PTPN22: variants seen among roughly 807,000 people sequenced by gnomAD.
PTPN22 encodes the protein tyrosine-protein phosphatase non-receptor type 22.
A neutral mutation model predicts 103.3 loss-of-function variants in PTPN22; 85 were observed. The ratio of observed to expected loss-of-function variants is 0.82; its 90% CI spans 0.69 to 0.99. PTPN22 has a LOEUF of 0.99. Among genes scored for constraint, PTPN22 ranks in the 50% least tolerant of loss-of-function variants. The pLI is 0.00. For synonymous variants in PTPN22, 323 were observed against 310.2 expected (o/e 1.04, Z -0.43); for missense variants, 865 against 936.9 (o/e 0.92, Z 1.00).
At chr1:113,841,510 C>T (rs543942456) in intron 11 of PTPN22, among the ~76,000 whole-genome samples, 6 of 151,892 alleles carry the variant, frequency 4.0e-5, no homozygotes, top group Middle Eastern at 3.4e-3. Flanking sequence ...GAATGGAAGA[C>T]GGTATTTGCA....
At chr1:113,828,228 T>C (rs1382142765) in intron 18 of PTPN22, among the ~76,000 whole-genome samples, 3 of 152,202 alleles carry the variant, frequency 2.0e-5, no homozygotes. Flanking sequence ...GGTGATTGTT[T>C]TACCATGCAT....
At chr1:113,864,724 AAC>A (rs202178873) in intron 1 of PTPN22, among the ~76,000 whole-genome samples, 4,470 of 151,910 alleles carry the variant, frequency 0.029, 156 homozygotes, top group African/African-American at 0.082. Context: ...CATCCTGGCT[AAC>A]ACAGTGAAAC....
At chr1:113,845,418 G>T (rs1262903073) in intron 11 of PTPN22, among the ~76,000 whole-genome samples, 1 of 151,844 alleles carries the variant, frequency 6.6e-6, no homozygotes, top group African/African-American at 2.4e-5. Context: ...GACCAGGCTG[G>T]TCTCAAATTC....
intron 19 of PTPN22, among the ~76,000 whole-genome samples, chr1:113,820,001 T>C (rs1363843302): frequency 6.6e-6 from 1 of 152,122 alleles, no homozygotes; most frequent in African/African-American, 2.4e-5. Context: ...CATATTACTT[T>C]TTCCTCTGGC....
At chr1:113,834,812 C>G in intron 14 of PTPN22, 98 bp downstream of exon 14, 2 of 998,868 alleles carry the variant, frequency 2.0e-6, no homozygotes, top group South Asian at 1.5e-5. Context: ...TCCTCAAACT[C>G]AAGGCTCACA....
At chr1:113,853,360 T>C (rs1363191285) in intron 9 of PTPN22, among the ~76,000 whole-genome samples, 1 of 150,778 alleles carries the variant, frequency 6.6e-6, no homozygotes, top group Non-Finnish European at 1.5e-5. Flanking sequence ...TTCTTTTTTT[T>C]TTTTTTTTTT....
chr1:113,837,584 A>G lies in PTPN22; in HGVS notation c.1810+6T>C, dbSNP rs759986601. On this transcript the variant is annotated splice_donor_region_variant and intron_variant, in intron 13 of 20. Coordinates refer to ENST00000359785, the Ensembl canonical transcript of PTPN22. ...AATTCTATGCAAACTTTAAAAAATA[A>G]CTTACCTAGTACAGCTGACTCCTGG... 27 of 1,512,622 alleles carry G rather than the reference A, an allele frequency of 1.8e-5. No individual in the cohort carries two copies. Among genetic ancestry groups the G allele is most frequent in the Non-Finnish European group, 1.9e-5 (21 of 1,110,030 alleles). 93.7% of individuals were successfully genotyped at this position (1,512,622 alleles called of 1,614,324 possible).
intron 10 of PTPN22, among the ~76,000 whole-genome samples, chr1:113,849,846 C>A (rs2102049371): frequency 6.6e-6 from 1 of 152,180 alleles, no homozygotes; most frequent in Non-Finnish European, 1.5e-5. Context: ...GCCTCAGCCT[C>A]CCAAAGTGCG....
chr1:113,829,861 G>A (rs1014300208), intron 17 of PTPN22, 88 bp downstream of exon 17: 1 of 1,316,282 alleles, frequency 7.6e-7, no homozygotes, highest in East Asian at 2.4e-5. Context: ...AATCATTTTT[G>A]TACCTTTCCA....
chr1:113,818,687 T>C (rs1661355856), intron 20 of PTPN22, among the ~76,000 whole-genome samples: 1 of 152,244 alleles, frequency 6.6e-6, no homozygotes, highest in Admixed American at 6.5e-5. Flanking sequence ...CAATATTACA[T>C]TTCCCAGTCT....
At chr1:113,825,057 A>G in intron 19 of PTPN22, 85 bp downstream of exon 19, 1 of 1,008,068 alleles carries the variant, frequency 9.9e-7, no homozygotes. Flanking sequence ...TAATATTGTT[A>G]ATCTTTTCAC....
chr1:113,847,644 T>C (rs1395158282), intron 11 of PTPN22, among the ~76,000 whole-genome samples: 1 of 151,368 alleles, frequency 6.6e-6, no homozygotes, highest in Non-Finnish European at 1.5e-5. Context: ...AGTGGTGCAA[T>C]CTCAGATCAC....
intron 20 of PTPN22, among the ~76,000 whole-genome samples, chr1:113,817,763 A>C (rs1661280951): frequency 6.6e-6 from 1 of 152,084 alleles, no homozygotes; most frequent in African/African-American, 2.4e-5. Flanking sequence ...AAAATGTTCA[A>C]ATCTAGGCAT....
At chr1:113,849,894 C>A (rs1289961938) in intron 10 of PTPN22, among the ~76,000 whole-genome samples, 1 of 151,680 alleles carries the variant, frequency 6.6e-6, no homozygotes, top group Non-Finnish European at 1.5e-5. Flanking sequence ...TGGCTAATTT[C>A]TTTAAGAAAG....
intron 20 of PTPN22, among the ~76,000 whole-genome samples, chr1:113,817,545 C>G (rs1406924938): frequency 2.6e-5 from 4 of 152,106 alleles, no homozygotes; most frequent in Non-Finnish European, 5.9e-5. Flanking sequence ...TCAAGTGATC[C>G]TCCCACCTCA....
chr1:113,865,979 TTA>T (rs1437178512), intron 1 of PTPN22, among the ~76,000 whole-genome samples: 2 of 152,210 alleles, frequency 1.3e-5, no homozygotes, highest in African/African-American at 4.8e-5. Context: ...TCCAAAGTTT[TTA>T]TGACTTCAGA....
At chr1:113,858,047 T>G (rs1665227683) in intron 4 of PTPN22, 1 of 240,478 alleles carries the variant, frequency 4.2e-6, no homozygotes, top group African/African-American at 2.2e-5. Flanking sequence ...AAATTTATTT[T>G]TATTATTTTT....
chr1:113,871,526 A>G lies in PTPN22; in HGVS notation c.87+11T>C. 1 of 1,612,320 alleles carries G rather than the reference A, an allele frequency of 6.2e-7. No homozygotes were observed. Among genetic ancestry groups the G allele is most frequent in the South Asian group, 1.1e-5 (1 of 91,060 alleles). On this transcript the variant is annotated intron_variant, in intron 1 of 20. Transcript: ENST00000359785. ...TGTAACTACCCTGAGAGGGTCACAT[A>G]CAGGACTCACCAGAAATTCATTGGC...
At chr1:113,820,759 G>A (rs2101878623) in intron 19 of PTPN22, among the ~76,000 whole-genome samples, 1 of 152,154 alleles carries the variant, frequency 6.6e-6, no homozygotes, top group Non-Finnish European at 1.5e-5. Context: ...AAGTGTTTTT[G>A]TGTTGTTTTC....
Sources: allele counts gnomAD v4.1 joint callset (sites outside exome capture counted in the v4.1 genomes callset), GRCh38; gene constraint gnomAD v4.1.1; transcripts MANE v1.5; gene names NCBI Gene and HGNC (gene_info 2026-07-23, HGNC 2026-07-21).